NFIX: variants seen among roughly 807,000 people sequenced by gnomAD.
NFIX encodes the protein nuclear factor I X.
A neutral mutation model predicts 53.3 loss-of-function variants in NFIX; 2 were observed. That is an observed-to-expected ratio of 0.04 (90% confidence interval 0.02 to 0.12). NFIX has a LOEUF of 0.12. Among genes scored for constraint, NFIX ranks in the 10% least tolerant of loss-of-function variants. The probability of loss-of-function intolerance (pLI) is 1.00; values close to 1 mark genes in which losing one functional copy is unlikely to be tolerated. For synonymous variants in NFIX, 244 were observed against 289.0 expected, an observed-to-expected ratio of 0.84 and a Z score of 1.58; for missense variants, 310 against 674.5, an observed-to-expected ratio of 0.46 and a Z score of 5.99.
At chr19:13,084,423 G>T (rs577117874) in intron 8 of NFIX, among the ~76,000 whole-genome samples, 1 of 152,236 alleles carries the variant, frequency 6.6e-6, no homozygotes, top group South Asian at 2.1e-4. Flanking sequence ...CAGTCTGGGC[G>T]ACAGAGTGAG....
chr19:13,008,193 G>C (rs575265903), intron 1 of NFIX, among the ~76,000 whole-genome samples: 5 of 152,282 alleles, frequency 3.3e-5, no homozygotes, highest in African/African-American at 9.6e-5. Context: ...TTGGGGTCCT[G>C]TATTCTCATG....
rs1444331492 is a variant in NFIX at position 13,013,988 on chromosome 19, T to G, written c.28-11033T>G. On this transcript the variant is annotated intron_variant, in intron 1 of 10. Transcript: ENST00000592199. The surrounding 1 kb of genome is among the most constrained non-coding windows in gnomAD (Gnocchi z 5.9). ...GGGTTTGCCACGGCAAAGTCTGTAA[T>G]CAGAGAAAAATACCAGCTTTGTTGA... 1 of 152,256 alleles carries G rather than the reference T, an allele frequency of 6.6e-6. No homozygotes were observed. The highest frequency in any genetic ancestry group is 1.5e-5 in the Non-Finnish European group (1 of 68,044). The allele number at this position is 152,256 out of a possible 1,614,324, so 9.4% of individuals were successfully genotyped here. A position where few individuals can be genotyped will look rare whatever the true frequency, so the allele number is the denominator to read the frequency against.
intron 1 of NFIX, among the ~76,000 whole-genome samples, chr19:13,010,936 C>T (rs545748299): frequency 9.8e-5 from 15 of 152,336 alleles, no homozygotes; most frequent in East Asian, 1.9e-4. Context: ...CCAGAACTGC[C>T]GCTGCCCAGT....
rs1319533174 is a variant in NFIX at position 13,090,458 on chromosome 19, G to A, written c.1494+68G>A. On this transcript the variant is annotated intron_variant, in intron 10 of 10. Coordinates refer to ENST00000592199, the MANE Select transcript of NFIX (RefSeq NM_001365902.3). This position sits in a 1 kb window ranked among gnomAD's most constrained non-coding sequence, Gnocchi z 6.6. ...GTAGTCAGGGTTGGGGGGCATCTTG[G>A]TGTTAGGGAAGAGCCTGGAGTCCTT... The A allele has an allele frequency of 1.4e-5, 21 of 1,449,248 alleles. No homozygotes were observed. Among genetic ancestry groups the A allele is most frequent in the Non-Finnish European group, 1.9e-5 (20 of 1,031,974 alleles). 89.8% of individuals were successfully genotyped at this position (1,449,248 alleles called of 1,614,324 possible).
At chr19:13,047,234 C>G (rs1290798071) in intron 2 of NFIX, among the ~76,000 whole-genome samples, 1 of 151,636 alleles carries the variant, frequency 6.6e-6, no homozygotes. Flanking sequence ...TTCTTTCTTT[C>G]TTTCTTTTTT....
At chr19:13,020,402 AAGGG>A (rs1207192737) in intron 1 of NFIX, among the ~76,000 whole-genome samples, 2 of 152,068 alleles carry the variant, frequency 1.3e-5, no homozygotes, top group Non-Finnish European at 2.9e-5. Flanking sequence ...GGAGGGGAGG[AAGGG>A]AGGGAGGGAG....
intron 2 of NFIX, among the ~76,000 whole-genome samples, chr19:13,050,128 C>T (rs1007502938): frequency 6.6e-6 from 1 of 152,176 alleles, no homozygotes; most frequent in African/African-American, 2.4e-5. Flanking sequence ...TCTTGTCTGC[C>T]CAGCAGTGCT....
intron 1 of NFIX, among the ~76,000 whole-genome samples, chr19:12,997,434 A>T (rs1280640838): frequency 6.6e-6 from 1 of 152,178 alleles, no homozygotes; most frequent in South Asian, 2.1e-4. Context: ...GCATGCATAC[A>T]TGTTGCAGTG....
chr19:12,997,106 C>G (rs1415545474), intron 1 of NFIX, among the ~76,000 whole-genome samples: 1 of 152,282 alleles, frequency 6.6e-6, no homozygotes, highest in African/African-American at 2.4e-5. Context: ...TGATCCTTGT[C>G]AGCCATGTGC....
chr19:13,024,113 C>CAAAAAAAAAAAAAAAAACAAA, intron 1 of NFIX: 1 of 412,062 alleles, frequency 2.4e-6, no homozygotes, highest in South Asian at 2.7e-5. Context: ...AGCAAACAAC[C>CAAAAAAAAAAAAAAAAACAAA]AAAAAAAAAA....
chr19:13,046,696 C>T (rs1001380988), intron 2 of NFIX, among the ~76,000 whole-genome samples: 1 of 152,078 alleles, frequency 6.6e-6, no homozygotes, highest in South Asian at 2.1e-4. Flanking sequence ...GTGAGGCAGT[C>T]GTTCTACATG....
At chr19:13,032,738 G>A (rs1244058237) in intron 2 of NFIX, among the ~76,000 whole-genome samples, 1 of 152,132 alleles carries the variant, frequency 6.6e-6, no homozygotes. Context: ...TTTGAGGGCA[G>A]GTCAGTGCTG....
rs2016018751 is a variant in NFIX, at chr19:13,060,702, A to G, written c.560-12345A>G. ...GGCCTGAGGATTGCGGGGCCAGGGA[A>G]GCAACCAGGCCCAGTCTGGGGCCCT... On this transcript the variant is annotated intron_variant, in intron 2 of 10. Transcript: ENST00000592199. This position sits in a 1 kb window ranked among gnomAD's most constrained non-coding sequence, Gnocchi z 4.3. 6.6e-6 allele frequency among the ~76,000 whole-genome samples: 1 copy of G among 152,094 alleles called. No homozygotes were observed. The highest frequency in any genetic ancestry group is 2.1e-4 in the South Asian group (1 of 4,826).
At chr19:13,065,710 G>A (rs941036373) in intron 2 of NFIX, among the ~76,000 whole-genome samples, 14 of 152,144 alleles carry the variant, frequency 9.2e-5, no homozygotes, top group African/African-American at 3.4e-4. Context: ...GAGCAACTGA[G>A]CATTCAGTTC....
rs1250698978 is a variant in NFIX at position 13,027,910 on chromosome 19, G to C, written c.559+2358G>C. Reference sequence around the variant, plus strand: ...TATATCATTCAGGCCCCAGACTCCAGATAATTTCAGTGAAGGTAGGATTTT... The same window carrying C: ...TATATCATTCAGGCCCCAGACTCCACATAATTTCAGTGAAGGTAGGATTTT... On this transcript the variant is annotated intron_variant, in intron 2 of 10. Transcript: ENST00000592199. The surrounding 1 kb of genome is among the most constrained non-coding windows in gnomAD (Gnocchi z 4.3). 6.6e-6 allele frequency among the ~76,000 whole-genome samples: 1 copy of C among 152,220 alleles called. No homozygotes were observed. The highest frequency in any genetic ancestry group is 2.4e-5 in the African/African-American group (1 of 41,454).
chr19:13,072,422 C>G lies in NFIX; in HGVS notation c.560-625C>G, dbSNP rs573720156. 2.6e-5 allele frequency among the ~76,000 whole-genome samples: 4 copies of G among 152,226 alleles called. No homozygotes were observed. The highest frequency in any genetic ancestry group is 4.4e-5 in the Non-Finnish European group (3 of 68,040). ...CGACAGCGTCAGGGCAGACCTCCCC[C>G]CTCTGGGTTGCCAGGCACTGCCTCT... On this transcript the variant is annotated intron_variant, in intron 2 of 10. Coordinates refer to ENST00000592199, the MANE Select transcript of NFIX (RefSeq NM_001365902.3). The surrounding 1 kb of genome is among the most constrained non-coding windows in gnomAD (Gnocchi z 4.0).
At chr19:13,010,967 A>G (rs546667297) in intron 1 of NFIX, among the ~76,000 whole-genome samples, 1 of 152,118 alleles carries the variant, frequency 6.6e-6, no homozygotes, top group Non-Finnish European at 1.5e-5. Flanking sequence ...CATGTGCTAT[A>G]TTTATATTTG....
Position 13,082,998 on chromosome 19 carries a change from G to A in NFIX, c.1254+1143G>A, listed in dbSNP as rs1450114597. On this transcript the variant is annotated intron_variant, in intron 8 of 10. Coordinates refer to ENST00000592199, the MANE Select transcript of NFIX (RefSeq NM_001365902.3). ...GGCCGTGGCTCCGCCTCCTCACTCTGTCCCTAAGGGAAGCCAGTCCTCTTC... is the reference window on the plus strand; with the variant it reads ...GGCCGTGGCTCCGCCTCCTCACTCTATCCCTAAGGGAAGCCAGTCCTCTTC... Among the ~76,000 whole-genome samples, 4 of 152,190 alleles carry A rather than the reference G, an allele frequency of 2.6e-5. No individual in the cohort carries two copies. The East Asian group carries it at 5.8e-4, about 22-fold the overall frequency.
At position 13,078,754 on chromosome 19, in the gene NFIX, C is replaced by A; in HGVS notation, c.1078+19C>A. 1 of 1,585,180 alleles carries A rather than the reference C, an allele frequency of 6.3e-7. No individual in the cohort carries two copies. Among genetic ancestry groups the A allele is most frequent in the Admixed American group, 1.8e-5 (1 of 56,942 alleles). ...AGACCAGGTGAGAAATGGGGGGCCCCGGAGGGGGGCAGTTGGGGAGGTGGC... is the reference window on the plus strand; with the variant it reads ...AGACCAGGTGAGAAATGGGGGGCCCAGGAGGGGGGCAGTTGGGGAGGTGGC... On this transcript the variant is annotated intron_variant, in intron 7 of 10. Transcript: ENST00000592199. This position sits in a 1 kb window ranked among gnomAD's most constrained non-coding sequence, Gnocchi z 4.7.
Sources: allele counts gnomAD v4.1 joint callset (sites outside exome capture counted in the v4.1 genomes callset), GRCh38; gene constraint gnomAD v4.1.1; non-coding constraint Gnocchi (gnomAD v3.1); transcripts MANE v1.5; gene names NCBI Gene and HGNC (gene_info 2026-07-23, HGNC 2026-07-21).